Variants in EFCAB6 observed in about 807,000 individuals in gnomAD.
The protein encoded by EFCAB6 is EF-hand calcium-binding domain-containing protein 6.
EFCAB6 carries 156 observed loss-of-function variants against 169.8 expected under a neutral mutation model. The observed-to-expected ratio is 0.92, with a 90% confidence interval of 0.81 to 1.05. The LOEUF (loss-of-function observed/expected upper bound fraction) is 1.05, where lower values mean the gene tolerates loss of function less well. EFCAB6 is among the 50% of genes least tolerant of loss of function. The pLI is 0.00. For synonymous variants in EFCAB6, 698 were observed against 676.4 expected (o/e 1.03, Z -0.50); for missense variants, 1,800 against 1,829.1 (o/e 0.98, Z 0.29).
intron 22 of EFCAB6, among the ~76,000 whole-genome samples, chr22:43,602,281 C>G (rs538391442): frequency 6.6e-6 from 1 of 152,318 alleles, no homozygotes; most frequent in South Asian, 2.1e-4. Context: ...CACCTTTATT[C>G]AGTGAATTTT....
chr22:43,626,729 G>A, intron 19 of EFCAB6, 50 bp from the exon 20 acceptor site: 1 of 1,574,658 alleles, frequency 6.4e-7, no homozygotes, highest in African/African-American at 1.3e-5. Context: ...GCCCCGGACG[G>A]CCACACATGC....
intron 23 of EFCAB6, among the ~76,000 whole-genome samples, chr22:43,598,375 G>C (rs2052221468): frequency 6.8e-6 from 1 of 147,534 alleles, no homozygotes; most frequent in African/African-American, 2.5e-5. Context: ...AATTACCAGA[G>C]GCTAATTTAC....
intron 21 of EFCAB6, among the ~76,000 whole-genome samples, chr22:43,610,962 A>G (rs1436299978): frequency 6.6e-6 from 1 of 152,226 alleles, no homozygotes. Flanking sequence ...AATACAGAGA[A>G]TCACAATTTA....
At chr22:43,771,750 T>A (rs1469163264) in intron 4 of EFCAB6, among the ~76,000 whole-genome samples, 1 of 152,152 alleles carries the variant, frequency 6.6e-6, no homozygotes, top group Non-Finnish European at 1.5e-5. Flanking sequence ...TCCCTCCCCA[T>A]GTAACTGCAT....
chr22:43,773,015 T>A lies in EFCAB6; in HGVS notation c.228A>T (p.Gln76His). ...QKITDRGDELQKAFQLLDTGQ... is the reference protein window; with the variant it reads ...QKITDRGDELHKAFQLLDTGQ... Reference sequence around the variant, plus strand: ...CAGTATCCAGCAGCTGAAAGGCTTTTTGCAACTCATCCCCTCTGTCGGTAA... The same window carrying A: ...CAGTATCCAGCAGCTGAAAGGCTTTATGCAACTCATCCCCTCTGTCGGTAA... The change falls in exon 4 of 32, where the codon CAA becomes CAT. Residue 76 changes from glutamine (Q) to histidine (H), a missense_variant. Coordinates refer to ENST00000262726, the MANE Select transcript of EFCAB6 (RefSeq NM_022785.4). 6.2e-7 allele frequency: 1 copy of A among 1,614,216 alleles called. No individual in the cohort carries two copies. The highest frequency in any genetic ancestry group is 8.5e-7 in the Non-Finnish European group (1 of 1,180,040).
At chr22:43,586,513 G>C (rs145635901) in intron 24 of EFCAB6, among the ~76,000 whole-genome samples, 5 of 151,816 alleles carry the variant, frequency 3.3e-5, no homozygotes, top group African/African-American at 1.2e-4. Flanking sequence ...AGTGAGGGAC[G>C]TAAGAGTCAT....
intron 2 of EFCAB6, among the ~76,000 whole-genome samples, chr22:43,784,594 T>TAC (rs1177308917): frequency 0.011 from 749 of 65,482 alleles, 42 homozygotes; most frequent in African/African-American, 0.033. Flanking sequence ...TATATATGTA[T>TAC]ATATACACAT....
intron 23 of EFCAB6, among the ~76,000 whole-genome samples, chr22:43,594,275 CAAAA>C (rs750560174): frequency 4.9e-5 from 4 of 81,488 alleles, no homozygotes; most frequent in Non-Finnish European, 7.3e-5. Context: ...AACTCTGTTT[CAAAA>C]AAAAAAAAAA....
chr22:43,720,956 T>A (rs1412383682), intron 8 of EFCAB6, among the ~76,000 whole-genome samples: 1 of 152,208 alleles, frequency 6.6e-6, no homozygotes, highest in Non-Finnish European at 1.5e-5. Flanking sequence ...GCTGACAATA[T>A]GATTCTATAC....
rs1371816622 is a variant in EFCAB6 at position 43,628,641 on chromosome 22, C to A, written c.2233-1962G>T. ...CTCACTGTTCTCTGAACAGGCCGAG[C>A]CTGCTTCAGGGTATCGCAGGGAGCC... On this transcript the variant is annotated intron_variant, in intron 19 of 31. Transcript: ENST00000262726. The surrounding 1 kb of genome is among the most constrained non-coding windows in gnomAD (Gnocchi z 4.8). Among the ~76,000 whole-genome samples the A allele has an allele frequency of 6.6e-6, 1 of 152,154 alleles. No individual in the cohort carries two copies. Among genetic ancestry groups the A allele is most frequent in the African/African-American group, 2.4e-5 (1 of 41,424 alleles).
intron 17 of EFCAB6, among the ~76,000 whole-genome samples, chr22:43,644,111 C>T (rs931661904): frequency 7.2e-5 from 11 of 152,036 alleles, no homozygotes; most frequent in Non-Finnish European, 1.2e-4. Flanking sequence ...GGCGTGGCTG[C>T]GTGCGGGTTG....
At chr22:43,802,551 C>T in intron 2 of EFCAB6, 1 of 341,446 alleles carries the variant, frequency 2.9e-6, no homozygotes, top group East Asian at 7.5e-5. Context: ...AAAGATAAAA[C>T]CAAGATGAAG....
intron 6 of EFCAB6, among the ~76,000 whole-genome samples, chr22:43,739,807 G>A (rs555251517): frequency 3.4e-4 from 50 of 148,664 alleles, no homozygotes; most frequent in African/African-American, 1.0e-3. Context: ...CCCGCACTCC[G>A]GGTTAGTGCA....
In EFCAB6 at chr22:43,572,981, G is replaced by T. The variant is rs965502707; in HGVS notation, c.3420+3316C>A. On this transcript the variant is annotated intron_variant, in intron 26 of 31. Transcript: ENST00000262726. The surrounding 1 kb of genome is among the most constrained non-coding windows in gnomAD (Gnocchi z 4.0). ...TTTAGAGGAAAATGAAGACCCCAGA[G>T]AATGCCAGTGCTACCACAGGAGGCG... 6.6e-6 allele frequency among the ~76,000 whole-genome samples: 1 copy of T among 152,232 alleles called. No homozygotes were observed. Among genetic ancestry groups the T allele is most frequent in the Non-Finnish European group, 1.5e-5 (1 of 68,048 alleles).
intron 26 of EFCAB6, among the ~76,000 whole-genome samples, chr22:43,566,687 A>C (rs555746668): frequency 8.5e-5 from 13 of 152,344 alleles, no homozygotes; most frequent in African/African-American, 3.1e-4. Context: ...GCAAGAACAC[A>C]GAAGCCTCCT....
chr22:43,796,228 G>C (rs998833933), intron 2 of EFCAB6, among the ~76,000 whole-genome samples: 1 of 151,952 alleles, frequency 6.6e-6, no homozygotes, highest in Non-Finnish European at 1.5e-5. Context: ...GAACACCCTC[G>C]ACCCCATGAC....
At chr22:43,563,543 C>T (rs781249800) in intron 26 of EFCAB6, among the ~76,000 whole-genome samples, 5 of 152,106 alleles carry the variant, frequency 3.3e-5, no homozygotes, top group African/African-American at 4.8e-5. Flanking sequence ...CCAGCCTTGA[C>T]GACAGAGCAA....
intron 23 of EFCAB6, among the ~76,000 whole-genome samples, chr22:43,593,644 T>C: frequency 6.6e-6 from 1 of 152,250 alleles, no homozygotes; most frequent in East Asian, 1.9e-4. Flanking sequence ...GTGTTCGAAC[T>C]GCTCTTCTCT....
chr22:43,528,926 A>G lies in EFCAB6; in HGVS notation c.4433T>C (p.Ile1478Thr). 4 of 1,610,852 alleles carry G rather than the reference A, an allele frequency of 2.5e-6. No individual in the cohort carries two copies. Among genetic ancestry groups the G allele is most frequent in the Non-Finnish European group, 3.4e-6 (4 of 1,177,320 alleles). Residue 1478 changes from isoleucine (I) to threonine (T), a missense_variant, in exon 32 of 32, where the codon ATT becomes ACT. By Grantham distance (89) the Ile-to-Thr change is moderately conservative. Transcript: ENST00000262726. ...CAGCGTCTTATCGTAATACTCCAGA[A>G]TATGGAAGAACTCTTCCTCAGAGAG... ...INLSEEEFFHILEYYDKTLSS... is the reference protein window; with the variant it reads ...INLSEEEFFHTLEYYDKTLSS...
Sources: gnomAD v4.1 joint callset for allele counts (sites outside exome capture counted in the v4.1 genomes callset) on GRCh38, gnomAD v4.1.1 for gene constraint, Gnocchi (gnomAD v3.1) non-coding constraint, MANE v1.5 for transcripts, NCBI Gene and HGNC (gene_info 2026-07-23, HGNC 2026-07-21) for gene names.